Variants in HECW2 observed in about 807,000 individuals in gnomAD.
HECW2 encodes the protein HECT, C2 and WW domain containing E3 ubiquitin protein ligase 2.
In HECW2, 61 loss-of-function variants were observed where a neutral mutation model predicts 175.2. That is an observed-to-expected ratio of 0.35 (90% CI 0.28 to 0.43). The LOEUF (loss-of-function observed/expected upper bound fraction) is 0.43, where lower values mean the gene tolerates loss of function less well. Ranked by LOEUF, HECW2 falls within the 20% of genes least tolerant of loss-of-function variation. The pLI is 1.00. For synonymous variants in HECW2, 671 were observed against 731.0 expected (o/e 0.92, Z 1.32); for missense variants, 1,524 against 2,000.5 (o/e 0.76, Z 4.54).
chr2:196,346,268 T>G (rs1692950498), intron 2 of HECW2, among the ~76,000 whole-genome samples: 1 of 152,208 alleles, frequency 6.6e-6, no homozygotes, highest in South Asian at 2.1e-4. Context: ...CCAAACGCAT[T>G]TCTGACATGA....
chr2:196,406,679 G>GC (rs1694974504), intron 2 of HECW2, among the ~76,000 whole-genome samples: 1 of 152,128 alleles, frequency 6.6e-6, no homozygotes, highest in Middle Eastern at 3.4e-3. Flanking sequence ...TTTCCACCTG[G>GC]CCCGCCATGC....
intron 19 of HECW2, among the ~76,000 whole-genome samples, chr2:196,243,194 T>A (rs1308950322): frequency 6.8e-5 from 8 of 118,122 alleles, no homozygotes; most frequent in Non-Finnish European, 1.3e-4. Context: ...TGAGACGGAG[T>A]TTCGCTCTTG....
At chr2:196,221,440 C>T (rs16847455) in intron 24 of HECW2, among the ~76,000 whole-genome samples, 16,589 of 151,972 alleles carry the variant, frequency 0.11, 2,315 homozygotes, top group African/African-American at 0.32. Flanking sequence ...CTGGAAGAAA[C>T]GTTTTCCCTA....
intron 1 of HECW2, among the ~76,000 whole-genome samples, chr2:196,434,056 A>G (rs1695797412): frequency 6.6e-6 from 1 of 151,796 alleles, no homozygotes; most frequent in South Asian, 2.1e-4. Flanking sequence ...ATTTTTCTCT[A>G]TAGCAATTTT....
intron 1 of HECW2, among the ~76,000 whole-genome samples, chr2:196,515,715 G>A (rs930477317): frequency 1.3e-5 from 2 of 152,116 alleles, no homozygotes; most frequent in African/African-American, 4.8e-5. Flanking sequence ...CTTTACTTTG[G>A]ATAAAAGTGG....
At chr2:196,217,145 C>T (rs1427960998) in intron 26 of HECW2, 52 bp from the exon 27 acceptor site, 17 of 1,314,006 alleles carry the variant, frequency 1.3e-5, no homozygotes, top group Non-Finnish European at 1.7e-5. Context: ...CTATATTAAG[C>T]CACCAAGATA....
chr2:196,261,880 T>C (rs1159365021), intron 17 of HECW2, among the ~76,000 whole-genome samples: 1 of 152,190 alleles, frequency 6.6e-6, no homozygotes, highest in Non-Finnish European at 1.5e-5. Context: ...AGTGGAAAAA[T>C]AACAGATGTG....
At chr2:196,233,173 T>A (rs368787379) in intron 21 of HECW2, among the ~76,000 whole-genome samples, 1 of 152,308 alleles carries the variant, frequency 6.6e-6, no homozygotes, top group African/African-American at 2.4e-5. Flanking sequence ...GCCAGTTAGG[T>A]TGGTTCCACA....
intron 14 of HECW2, chr2:196,287,970 G>A (rs770318529): frequency 6.6e-6 from 1 of 151,464 alleles, no homozygotes; most frequent in Non-Finnish European, 1.5e-5. Flanking sequence ...GCACATACCA[G>A]TGCTAAGGCA....
At chr2:196,554,043 T>C (rs1249868226) in intron 1 of HECW2, among the ~76,000 whole-genome samples, 1 of 152,188 alleles carries the variant, frequency 6.6e-6, no homozygotes, top group African/African-American at 2.4e-5. Context: ...GGGCTTCTCT[T>C]AAAAAGATTT....
chr2:196,535,487 T>C (rs1184485486), intron 1 of HECW2, among the ~76,000 whole-genome samples: 1 of 152,196 alleles, frequency 6.6e-6, no homozygotes, highest in Non-Finnish European at 1.5e-5. Context: ...ATAAGAGACT[T>C]ACTAAAGGCA....
chr2:196,381,677 T>C (rs907788088), intron 2 of HECW2, among the ~76,000 whole-genome samples: 1 of 152,188 alleles, frequency 6.6e-6, no homozygotes, highest in African/African-American at 2.4e-5. Flanking sequence ...TAAGGGTCAT[T>C]AGTAAGGCAA....
In HECW2 at chr2:196,287,542, T is replaced by A. The variant is rs56194608; in HGVS notation, c.3000+5023A>T. Among the ~76,000 whole-genome samples, 9 of 152,248 alleles carry A rather than the reference T, an allele frequency of 5.9e-5. No homozygotes were observed. The East Asian group carries it at 1.5e-3, about 26-fold the overall frequency. ...GTATTTAACATCTTAAAGGAAATTT[T>A]AAAAAAAGAGACTTTTTTTTCTAAA... On this transcript the variant is annotated intron_variant, in intron 14 of 28. Transcript: ENST00000644978.
chr2:196,433,082 A>G (rs1695762397), intron 2 of HECW2, 50 bp downstream of exon 2: 1 of 1,511,166 alleles, frequency 6.6e-7, no homozygotes, highest in African/African-American at 1.4e-5. Context: ...ATGTCAAACT[A>G]AAAACTTGTA....
intron 1 of HECW2, among the ~76,000 whole-genome samples, chr2:196,515,255 GC>G (rs1688107360): frequency 6.6e-6 from 1 of 152,208 alleles, no homozygotes; most frequent in South Asian, 2.1e-4. Flanking sequence ...ATGCTCACTT[GC>G]CCACACACTT....
rs1018995263 is a variant in HECW2, at chr2:196,399,477, C to G, written c.292+33655G>C. 2.6e-5 allele frequency among the ~76,000 whole-genome samples: 4 copies of G among 152,140 alleles called. No homozygotes were observed. In the East Asian group the frequency reaches 7.7e-4, roughly 29 times the overall value. On this transcript the variant is annotated intron_variant, in intron 2 of 28. Transcript: ENST00000644978. ...GGGAAGCACTATTTTAAGGATTCCC[C>G]AAAACTGAGAAGGAAGTGCTAATGA... is the stretch of plus-strand genomic sequence containing the variant.
rs556585963 is a variant in HECW2 at position 196,531,370 on chromosome 2, G to A, written c.-36+62138C>T. On this transcript the variant is annotated intron_variant, in intron 1 of 28. Coordinates refer to ENST00000644978, the MANE Select transcript of HECW2 (RefSeq NM_001348768.2). ...TACACTAAACTTATTATTATTAAAT[G>A]TTTTTGGCCAGGTGCGGCAGCTCAG... is the stretch of plus-strand genomic sequence containing the variant. Among the ~76,000 whole-genome samples, 106 of 152,230 alleles carry A rather than the reference G, an allele frequency of 7.0e-4. 3 individuals are homozygous for A. Among genetic ancestry groups the A allele is most frequent in the African/African-American group, 2.1e-3 (88 of 41,544 alleles).
At chr2:196,522,881 C>A (rs1358452689) in intron 1 of HECW2, among the ~76,000 whole-genome samples, 1 of 152,102 alleles carries the variant, frequency 6.6e-6, no homozygotes, top group East Asian at 1.9e-4. Flanking sequence ...GTTACTGTAG[C>A]CTTGTAGTAT....
At chr2:196,397,334 T>G (rs1201116200) in intron 2 of HECW2, among the ~76,000 whole-genome samples, 1 of 152,060 alleles carries the variant, frequency 6.6e-6, no homozygotes. Flanking sequence ...CTGAAAAGCT[T>G]TACATTCATA....
Sources: allele counts gnomAD v4.1 joint callset (sites outside exome capture counted in the v4.1 genomes callset), GRCh38; gene constraint gnomAD v4.1.1; transcripts MANE v1.5; gene names NCBI Gene and HGNC (gene_info 2026-07-23, HGNC 2026-07-21).